The following AJAP1 variants were observed in gnomAD, a reference collection of about 807,000 sequenced individuals.
AJAP1 encodes the protein adherens junctions associated protein 1.
A neutral mutation model predicts 35.0 loss-of-function variants in AJAP1; 5 were observed. The ratio of observed to expected loss-of-function variants is 0.14; its 90% CI spans 0.07 to 0.30. The LOEUF (loss-of-function observed/expected upper bound fraction) is 0.30, where lower values mean the gene tolerates loss of function less well. Among genes scored for constraint, AJAP1 ranks in the 10% least tolerant of loss-of-function variants. The pLI is 1.00. For synonymous variants in AJAP1, 284 were observed against 249.3 expected (o/e 1.14, Z -1.31); for missense variants, 586 against 571.0 (o/e 1.03, Z -0.27).
rs392984 is a variant in AJAP1 at position 4,779,108 on chromosome 1, T to A, written c.*60-3437T>A. 5.9e-5 allele frequency among the ~76,000 whole-genome samples: 9 copies of A among 152,154 alleles called. No individual in the cohort carries two copies. In the South Asian group the frequency reaches 1.9e-3, roughly 32 times the overall value. On this transcript the variant is annotated intron_variant, in intron 5 of 5. Coordinates refer to ENST00000378191, the MANE Select transcript of AJAP1 (RefSeq NM_018836.4). The stretch of plus-strand genomic sequence containing the variant: ...CAGGAGACAGAAGTAAAATAGGGGA[T>A]GTGTGTAGGAAGGAATGGGGCATCC...
intron 1 of AJAP1, among the ~76,000 whole-genome samples, chr1:4,696,301 A>G (rs1570122883): frequency 6.6e-6 from 1 of 152,188 alleles, no homozygotes. Flanking sequence ...GCTGCGACAC[A>G]TGCCAGACAT....
intron 2 of AJAP1, among the ~76,000 whole-genome samples, chr1:4,750,804 GAGA>G (rs775018338): frequency 9.3e-5 from 14 of 150,704 alleles, no homozygotes; most frequent in Non-Finnish European, 2.1e-4. Context: ...CTGACCTTCT[GAGA>G]AGAAGGAGGA....
At chr1:4,690,662 G>T (rs979034457) in intron 1 of AJAP1, among the ~76,000 whole-genome samples, 7 of 152,108 alleles carry the variant, frequency 4.6e-5, no homozygotes, top group Non-Finnish European at 1.0e-4. Context: ...CACCAATCCC[G>T]GAGACAGGCA....
At chr1:4,716,760 A>ATGATAGTGATGATGATGCTGT (rs1229859649) in intron 2 of AJAP1, among the ~76,000 whole-genome samples, 168 of 152,072 alleles carry the variant, frequency 1.1e-3, no homozygotes, top group African/African-American at 3.8e-3. Context: ...AGAGATAGTG[A>ATGATAGTGATGATGATGCTGT]TGATAGTGAT....
In AJAP1 at chr1:4,712,202, T is replaced by G. The variant is rs1440927552; in HGVS notation, c.332T>G (p.Leu111Arg). Residue 111 changes from leucine (L) to arginine (R), a missense_variant, in exon 2 of 6, where the codon CTC becomes CGC. Transcript: ENST00000378191. ...AGGCCCCGGGACCAGGCGGCCGCCC[T>G]CGTGCCCAAGGCAGGACTGGCCAAG... ...AHRPRDQAAA[L>R]VPKAGLAKPP... 6.4e-7 allele frequency: 1 copy of G among 1,563,596 alleles called. No homozygotes were observed. Among genetic ancestry groups the G allele is most frequent in the Non-Finnish European group, 8.6e-7 (1 of 1,162,912 alleles).
At chr1:4,714,931 TACAC>T (rs1457597317) in intron 2 of AJAP1, among the ~76,000 whole-genome samples, 2 of 152,144 alleles carry the variant, frequency 1.3e-5, no homozygotes, top group Non-Finnish European at 2.9e-5. Context: ...CAATTTAGGT[TACAC>T]ACTGGGAAGT....
chr1:4,666,022 G>A (rs1639108754), intron 1 of AJAP1, among the ~76,000 whole-genome samples: 2 of 152,198 alleles, frequency 1.3e-5, no homozygotes, highest in African/African-American at 2.4e-5. Flanking sequence ...CGGAGCACTG[G>A]TGGTGAGTGT....
rs1463833368 is a variant in AJAP1 at position 4,778,034 on chromosome 1, A to C, written c.*59+3476A>C. 2.6e-5 allele frequency among the ~76,000 whole-genome samples: 4 copies of C among 152,230 alleles called. No individual in the cohort carries two copies. The East Asian group carries it at 7.7e-4, about 29-fold the overall frequency. Reference sequence around the variant, plus strand: ...CTGTTTGCTCTTTATTTATGTATTTATTTTATGTATGTATGTATGTATTTA... The same window carrying C: ...CTGTTTGCTCTTTATTTATGTATTTCTTTTATGTATGTATGTATGTATTTA... On this transcript the variant is annotated intron_variant, in intron 5 of 5. Transcript: ENST00000378191.
chr1:4,691,982 G>A (rs1018278816), intron 1 of AJAP1, among the ~76,000 whole-genome samples: 9 of 151,910 alleles, frequency 5.9e-5, no homozygotes, highest in Non-Finnish European at 1.2e-4. Flanking sequence ...TCAGACGTGG[G>A]GTGGGGACGG....
intron 3 of AJAP1, 125 bp downstream of exon 3, chr1:4,770,065 C>A: frequency 1.2e-6 from 1 of 832,492 alleles, no homozygotes; most frequent in Non-Finnish European, 2.0e-6. Flanking sequence ...CTGGGCAGTT[C>A]AGCTGCCACA....
intron 1 of AJAP1, among the ~76,000 whole-genome samples, chr1:4,689,885 C>T (rs1200203641): frequency 6.6e-6 from 1 of 152,118 alleles, no homozygotes; most frequent in Non-Finnish European, 1.5e-5. Flanking sequence ...AGGGGCAGGT[C>T]AGGGGAGAGG....
At chr1:4,774,622 C>G in intron 5 of AJAP1, 64 bp downstream of exon 5, 2 of 907,422 alleles carry the variant, frequency 2.2e-6, no homozygotes, top group South Asian at 1.5e-5. Flanking sequence ...ACTGCCCTCC[C>G]CTGCACTCTT....
At chr1:4,701,585 G>C (rs981057440) in intron 1 of AJAP1, among the ~76,000 whole-genome samples, 1 of 152,192 alleles carries the variant, frequency 6.6e-6, no homozygotes, top group African/African-American at 2.4e-5. Context: ...GGTGGAGTCT[G>C]TCTACACTGC....
Position 4,788,052 on chromosome 1 carries a change from A to G in AJAP1, c.*5567A>G, listed in dbSNP as rs987959893. 5.5e-5 allele frequency: 14 copies of G among 256,074 alleles called. No individual in the cohort carries two copies. The highest frequency in any genetic ancestry group is 1.0e-3 in the Middle Eastern group (2 of 1,958). The allele number at this position is 256,074 out of a possible 1,614,324, so 15.9% of individuals were successfully genotyped here. On this transcript the variant is annotated 3_prime_UTR_variant, in exon 6 of 6. Transcript: ENST00000378191. Reference sequence around the variant, plus strand: ...TAGCACAGCCCACATAAATGAGCGAAACTCATCATCTGAGGATCTTTGATT... The same window carrying G: ...TAGCACAGCCCACATAAATGAGCGAGACTCATCATCTGAGGATCTTTGATT...
In AJAP1 at chr1:4,723,303, G is replaced by A. The variant is rs1036133545; in HGVS notation, c.829+10604G>A. 3.3e-5 allele frequency among the ~76,000 whole-genome samples: 5 copies of A among 152,190 alleles called. No homozygotes were observed. The highest frequency in any genetic ancestry group is 1.2e-4 in the African/African-American group (5 of 41,448). ...CGGCCGTCCAAGGGGAGCGCCTGTG[G>A]ATACTCCTTGGATTCCTGAGTCTGC... On this transcript the variant is annotated intron_variant, in intron 2 of 5. Transcript: ENST00000378191. This position sits in a 1 kb window ranked among gnomAD's most constrained non-coding sequence, Gnocchi z 4.3.
chr1:4,659,796 A>G (rs976287696), intron 1 of AJAP1, among the ~76,000 whole-genome samples: 4 of 152,206 alleles, frequency 2.6e-5, no homozygotes, highest in African/African-American at 9.6e-5. Context: ...TAGCTAAAAC[A>G]GGGACAGGAT....
rs1240853512 is a variant in AJAP1, at chr1:4,782,565, AAAAAC to A, written c.*89_*93del. Reference sequence around the variant, plus strand: ...CACAGGATTCCGTTGGTGAACCTGTAAAAACAAAACAAACAAAACAAAACAAAAAA... The same window carrying A: ...CACAGGATTCCGTTGGTGAACCTGTAAAAACAAACAAAACAAAACAAAAAA... On this transcript the variant is annotated 3_prime_UTR_variant, in exon 6 of 6. Coordinates refer to ENST00000378191, the MANE Select transcript of AJAP1 (RefSeq NM_018836.4). The surrounding 1 kb of genome is among the most constrained non-coding windows in gnomAD (Gnocchi z 5.3). 8.2e-5 allele frequency: 32 copies of A among 392,634 alleles called. No individual in the cohort carries two copies. The highest frequency in any genetic ancestry group is 6.4e-4 in the Middle Eastern group (1 of 1,572). The allele number at this position is 392,634 out of a possible 1,614,324, so 24.3% of individuals were successfully genotyped here. A position where few individuals can be genotyped will look rare whatever the true frequency, so the allele number is the denominator to read the frequency against.
At chr1:4,704,681 A>G (rs1007600420) in intron 1 of AJAP1, among the ~76,000 whole-genome samples, 14 of 152,294 alleles carry the variant, frequency 9.2e-5, no homozygotes, top group Middle Eastern at 3.4e-3. Context: ...CAGTCATGGG[A>G]TGGCTGGGTC....
At chr1:4,686,672 A>G (rs1639615168) in intron 1 of AJAP1, among the ~76,000 whole-genome samples, 1 of 152,230 alleles carries the variant, frequency 6.6e-6, no homozygotes, top group East Asian at 1.9e-4. Flanking sequence ...TCTCAACGCC[A>G]TGAAATAAAA....
Sources: allele counts gnomAD v4.1 joint callset (sites outside exome capture counted in the v4.1 genomes callset), GRCh38; gene constraint gnomAD v4.1.1; non-coding constraint Gnocchi (gnomAD v3.1); transcripts MANE v1.5; gene names NCBI Gene and HGNC (gene_info 2026-07-23, HGNC 2026-07-21).